ZNF599: variants seen among roughly 807,000 people sequenced by gnomAD.
The protein encoded by ZNF599 is zinc finger protein 599.
In ZNF599, 10 loss-of-function variants were observed where a neutral mutation model predicts 11.7. The observed-to-expected ratio is 0.86, with a 90% CI of 0.53 to 1.45. The LOEUF is 1.45. Ranked by LOEUF, ZNF599 falls within the 40% of genes most tolerant of loss-of-function variation. The pLI is 0.00. For missense variants in ZNF599, 688 were observed against 713.6 expected (o/e 0.96, Z 0.41); for synonymous variants, 232 against 253.2 (o/e 0.92, Z 0.79).
At position 34,759,403 on chromosome 19, in the gene ZNF599, A is replaced by G; in HGVS notation, c.1398T>C (p.Phe466=). 6.2e-7 allele frequency: 1 copy of G among 1,614,162 alleles called. No individual in the cohort carries two copies. Among genetic ancestry groups the G allele is most frequent in the Non-Finnish European group, 8.5e-7 (1 of 1,180,028 alleles). ...CGKAFTHHSV[F]IRHNRTHSGQ... ...CACTGTGGGTCCTATTATGTCGAAT[A>G]AAAACAGAGTGGTGTGTAAAAGCCT... The change falls in exon 4 of 4, where the codon TTT becomes TTC. Residue 466 remains phenylalanine (F), a synonymous_variant. Transcript: ENST00000329285.
upstream of ZNF599, among the ~76,000 whole-genome samples, chr19:34,776,144 G>C (rs1262920458): frequency 6.6e-6 from 1 of 152,166 alleles, no homozygotes. Context: ...AAATAGGTAA[G>C]TGCTTTATTG....
the ZNF599 span, among the ~76,000 whole-genome samples, chr19:34,804,565 G>T: frequency 6.6e-6 from 1 of 152,188 alleles, no homozygotes; most frequent in East Asian, 1.9e-4. Context: ...ACCACCTTCT[G>T]GATGTCTCTA....
chr19:34,786,071 G>A, the ZNF599 span, among the ~76,000 whole-genome samples: 1 of 152,100 alleles, frequency 6.6e-6, no homozygotes. Flanking sequence ...GTGGAGGTAG[G>A]TCCTAACCTC....
chr19:34,758,367 G>A lies in ZNF599; in HGVS notation c.*667C>T, dbSNP rs969773795. 7 of 152,210 alleles carry A rather than the reference G, an allele frequency of 4.6e-5. No homozygotes were observed. Among genetic ancestry groups the A allele is most frequent in the African/African-American group, 1.7e-4 (7 of 41,436 alleles). 9.4% of individuals were successfully genotyped at this position (152,210 alleles called of 1,614,324 possible). A position where few individuals can be genotyped will look rare whatever the true frequency, so the allele number is the denominator to read the frequency against. ...ATGTGTACATGTGCACATGTGTTAAGTATTTCATGACTCAAGCCTTTATAT... is the reference window on the plus strand; with the variant it reads ...ATGTGTACATGTGCACATGTGTTAAATATTTCATGACTCAAGCCTTTATAT... On this transcript the variant is annotated 3_prime_UTR_variant, in exon 4 of 4. Transcript: ENST00000329285.
At chr19:34,778,068 T>C (rs2069230258), upstream of ZNF599, among the ~76,000 whole-genome samples, 1 of 152,132 alleles carries the variant, frequency 6.6e-6, no homozygotes, top group African/African-American at 2.4e-5. Flanking sequence ...GTTTCACAGG[T>C]ATACACATAT....
upstream of ZNF599, among the ~76,000 whole-genome samples, chr19:34,773,617 A>G (rs181222347): frequency 2.0e-5 from 3 of 152,288 alleles, no homozygotes; most frequent in East Asian, 5.8e-4. Context: ...TTCCCCTATC[A>G]GTAATTTTCA....
chr19:34,760,268 A>G lies in ZNF599; in HGVS notation c.533T>C (p.Leu178Pro). Residue 178 changes from leucine to proline, a missense_variant, in exon 4 of 4, where the codon CTC (leucine) becomes CCC (proline). Leu to Pro is a moderately conservative substitution (Grantham distance 98). Transcript: ENST00000329285. ...LQERVTPQDA[L>P]HECDSQGPGK... ...TGGTCCTTGAGAGTCACACTCATGG[A>G]GAGCATCTTGTGGAGTGACTCGTTC... 6.2e-7 allele frequency: 1 copy of G among 1,614,174 alleles called. No individual in the cohort carries two copies. Among genetic ancestry groups the G allele is most frequent in the Non-Finnish European group, 8.5e-7 (1 of 1,180,030 alleles).
chr19:34,766,357 T>A (rs2069143207), intron 3 of ZNF599, among the ~76,000 whole-genome samples: 1 of 152,152 alleles, frequency 6.6e-6, no homozygotes, highest in Admixed American at 6.5e-5. Context: ...TCTGCGTATC[T>A]GATACATAAA....
chr19:34,773,360 T>C (rs1001119659), upstream of ZNF599: 1 of 153,448 alleles, frequency 6.5e-6, no homozygotes, highest in Non-Finnish European at 1.4e-5. Flanking sequence ...CTTTCTGTTC[T>C]CGGTGAGGCG....
chr19:34,765,696 C>G (rs996740752), intron 3 of ZNF599: 10 of 702,644 alleles, frequency 1.4e-5, no homozygotes, highest in Non-Finnish European at 2.1e-5. Context: ...GCAAGAAAAT[C>G]AAGTGTGTAG....
chr19:34,760,211 T>C lies in ZNF599; in HGVS notation c.590A>G (p.Asn197Ser), dbSNP rs947968139. 6.2e-7 allele frequency: 1 copy of C among 1,614,062 alleles called. No individual in the cohort carries two copies. The highest frequency in any genetic ancestry group is 1.3e-5 in the African/African-American group (1 of 74,910). Reference sequence around the variant, plus strand: ...CCCACATTCCGTGCATGTGTAAGGGTTATTCCTTGCATCAGTCATGGGGTC... The same window carrying C: ...CCCACATTCCGTGCATGTGTAAGGGCTATTCCTTGCATCAGTCATGGGGTC... ...GKDPMTDARNNPYTCTECGKG... is the reference protein window; with the variant it reads ...GKDPMTDARNSPYTCTECGKG... Residue 197 changes from asparagine to serine, a missense_variant, in exon 4 of 4, where the codon AAC (asparagine) becomes AGC (serine). Asn to Ser is a conservative substitution (Grantham distance 46). Transcript: ENST00000329285.
chr19:34,807,597 G>A, the ZNF599 span, among the ~76,000 whole-genome samples: 1 of 152,190 alleles, frequency 6.6e-6, no homozygotes, highest in Non-Finnish European at 1.5e-5. Context: ...GCCACAAAGT[G>A]AGACAGGAAG....
intron 1 of ZNF599, chr19:34,772,272 A>G: frequency 1.0e-6 from 1 of 970,752 alleles, no homozygotes; most frequent in Non-Finnish European, 1.2e-6. Context: ...CGGCATCTGC[A>G]AAGATAAATC....
Position 34,760,288 on chromosome 19 carries a change from T to G in ZNF599, c.513A>C (p.Arg171=). Residue 171 remains arginine, a synonymous_variant, in exon 4 of 4, where the codon CGA becomes CGC. Coordinates refer to ENST00000329285, the MANE Select transcript of ZNF599 (RefSeq NM_001007248.3). ...DSLGLRVLQE[R]VTPQDALHEC... ...CATGGAGAGCATCTTGTGGAGTGAC[T>G]CGTTCCTGTAAAACCCTTAAGCCCA... 1 of 1,614,222 alleles carries G rather than the reference T, an allele frequency of 6.2e-7. No homozygotes were observed. Among genetic ancestry groups the G allele is most frequent in the East Asian group, 2.2e-5 (1 of 44,880 alleles).
At chr19:34,786,008 G>A in the ZNF599 span, among the ~76,000 whole-genome samples, 1 of 152,122 alleles carries the variant, frequency 6.6e-6, no homozygotes, top group Non-Finnish European at 1.5e-5. Context: ...CAGTGGCTCT[G>A]GAGGATCCTG....
chr19:34,777,368 T>A (rs1396958393), upstream of ZNF599, among the ~76,000 whole-genome samples: 9 of 80,684 alleles, frequency 1.1e-4, no homozygotes, highest in African/African-American at 3.0e-4. Context: ...ATTAATATAT[T>A]ATATATTATA....
chr19:34,788,765 C>T, the ZNF599 span: 3 of 151,984 alleles, frequency 2.0e-5, no homozygotes, highest in Non-Finnish European at 4.4e-5. Context: ...TGTATAGCCT[C>T]GATAACATAT....
chr19:34,801,703 C>T, the ZNF599 span, among the ~76,000 whole-genome samples: 1 of 152,208 alleles, frequency 6.6e-6, no homozygotes, highest in Admixed American at 6.5e-5. Flanking sequence ...CTCAGTGGTG[C>T]TGTATGGCTT....
chr19:34,802,911 G>A, the ZNF599 span, among the ~76,000 whole-genome samples: 1 of 152,160 alleles, frequency 6.6e-6, no homozygotes, highest in African/African-American at 2.4e-5. Context: ...GCCAGCACTG[G>A]CCCAGGGAAA....
Sources: gnomAD v4.1 joint callset for allele counts (sites outside exome capture counted in the v4.1 genomes callset) on GRCh38, gnomAD v4.1.1 for gene constraint, MANE v1.5 for transcripts, NCBI Gene and HGNC (gene_info 2026-07-23, HGNC 2026-07-21) for gene names.